The following FRMD3 variants were observed in gnomAD, a reference collection of about 807,000 sequenced individuals.
FRMD3 encodes the protein FERM domain containing 3.
A neutral mutation model predicts 70.2 loss-of-function variants in FRMD3; 33 were observed. That is an observed-to-expected ratio of 0.47 (90% CI 0.36 to 0.63). FRMD3 has a LOEUF of 0.63. Ranked by LOEUF, FRMD3 falls within the 20% of genes least tolerant of loss-of-function variation. FRMD3 has a pLI of 0.00. For missense variants in FRMD3, 632 were observed against 711.4 expected (o/e 0.89, Z 1.27); for synonymous variants, 279 against 255.9 (o/e 1.09, Z -0.86).
At chr9:83,486,154 T>C (rs944822915) in intron 1 of FRMD3, among the ~76,000 whole-genome samples, 2 of 152,186 alleles carry the variant, frequency 1.3e-5, no homozygotes, top group African/African-American at 4.8e-5. Flanking sequence ...TAATATCCTA[T>C]GAATATATTC....
intron 1 of FRMD3, among the ~76,000 whole-genome samples, chr9:83,473,863 T>C (rs1304514268): frequency 6.6e-6 from 1 of 152,174 alleles, no homozygotes; most frequent in Non-Finnish European, 1.5e-5. Flanking sequence ...GGAAAATAAA[T>C]AAATTGGGGC....
At chr9:83,400,555 G>A (rs965368163) in intron 1 of FRMD3, among the ~76,000 whole-genome samples, 3 of 152,136 alleles carry the variant, frequency 2.0e-5, no homozygotes, top group South Asian at 4.1e-4. Flanking sequence ...TTTGTGAAAA[G>A]GCAAAAGATT....
At chr9:83,463,692 C>T (rs1308781833) in intron 1 of FRMD3, among the ~76,000 whole-genome samples, 1 of 152,202 alleles carries the variant, frequency 6.6e-6, no homozygotes, top group East Asian at 1.9e-4. Context: ...CCAAGAAGAT[C>T]TATTCCAGCC....
intron 3 of FRMD3, among the ~76,000 whole-genome samples, chr9:83,358,885 G>T (rs1824493374): frequency 6.6e-6 from 1 of 152,032 alleles, no homozygotes; most frequent in Non-Finnish European, 1.5e-5. Context: ...TATGCAAAAT[G>T]ACGCTTGAGC....
chr9:83,389,471 C>T (rs1007797304), intron 2 of FRMD3, 133 bp downstream of exon 2: 16 of 658,814 alleles, frequency 2.4e-5, no homozygotes, highest in Non-Finnish European at 3.6e-5. Flanking sequence ...GCCTCTTCTG[C>T]TCACACAGGG....
At chr9:83,412,391 T>TA (rs151154752) in intron 1 of FRMD3, among the ~76,000 whole-genome samples, 22,290 of 152,264 alleles carry the variant, frequency 0.15, 1,687 homozygotes, top group Non-Finnish European at 0.16. Flanking sequence ...CTACTAGGTA[T>TA]ATGCCTAGAA....
intron 2 of FRMD3, among the ~76,000 whole-genome samples, chr9:83,383,949 A>G (rs1016382886): frequency 6.6e-6 from 1 of 152,234 alleles, no homozygotes; most frequent in Admixed American, 6.5e-5. Flanking sequence ...AAGACCAAGT[A>G]CTGCTTTCTG....
chr9:83,522,394 G>T (rs373476511), intron 1 of FRMD3, among the ~76,000 whole-genome samples: 1 of 151,994 alleles, frequency 6.6e-6, no homozygotes, highest in African/African-American at 2.4e-5. Flanking sequence ...TTCAGCGGCT[G>T]GGGGGGCAGG....
At chr9:83,412,719 G>A (rs1486845811) in intron 1 of FRMD3, among the ~76,000 whole-genome samples, 1 of 152,230 alleles carries the variant, frequency 6.6e-6, no homozygotes, top group African/African-American at 2.4e-5. Flanking sequence ...TCCTGGCCGG[G>A]CACGGTGGCT....
In FRMD3 at chr9:83,349,687, C is replaced by T. The variant is rs1382631930; in HGVS notation, c.366G>A (p.Glu122=). 6.2e-7 allele frequency: 1 copy of T among 1,608,706 alleles called. No individual in the cohort carries two copies. Among genetic ancestry groups the T allele is most frequent in the African/African-American group, 1.3e-5 (1 of 74,850 alleles). Residue 122 remains glutamate, a synonymous_variant, in exon 4 of 14, where the codon GAG becomes GAA. Coordinates refer to ENST00000304195, the MANE Select transcript of FRMD3 (RefSeq NM_174938.6). ...AAACAAACAAAAAATACCTTGTGAG[C>T]TCTTCTTTAATCTTCAAGGGTTCAT... ...YPHEPLKIKE[E]LTRYLLYLQI...
At chr9:83,424,793 A>G (rs907745889) in intron 1 of FRMD3, among the ~76,000 whole-genome samples, 3 of 152,206 alleles carry the variant, frequency 2.0e-5, no homozygotes, top group Admixed American at 6.5e-5. Context: ...AATGATCCCA[A>G]TTAATCATAT....
At chr9:83,570,664 T>C in the FRMD3 span, among the ~76,000 whole-genome samples, 1 of 152,192 alleles carries the variant, frequency 6.6e-6, no homozygotes. Context: ...GGAAAGGATT[T>C]GACTTTAACT....
At chr9:83,260,869 T>C (rs920110546) in intron 13 of FRMD3, among the ~76,000 whole-genome samples, 1 of 152,076 alleles carries the variant, frequency 6.6e-6, no homozygotes, top group Non-Finnish European at 1.5e-5. Flanking sequence ...GAGGATAAAG[T>C]TTAATACTTC....
chr9:83,520,894 G>C (rs867495814), intron 1 of FRMD3, among the ~76,000 whole-genome samples: 1 of 150,998 alleles, frequency 6.6e-6, no homozygotes, highest in Non-Finnish European at 1.5e-5. Context: ...GGAAGCTGAG[G>C]TGGGTGGACC....
At chr9:83,417,144 A>G (rs1229830565) in intron 1 of FRMD3, among the ~76,000 whole-genome samples, 3 of 152,350 alleles carry the variant, frequency 2.0e-5, no homozygotes, top group African/African-American at 7.2e-5. Flanking sequence ...AGTTGAAAAT[A>G]TCATTAGCTT....
chr9:83,340,072 G>A (rs533063180), intron 5 of FRMD3, among the ~76,000 whole-genome samples: 20 of 152,248 alleles, frequency 1.3e-4, no homozygotes, highest in African/African-American at 4.3e-4. Context: ...CAGGTGTGGT[G>A]GTGCACACCT....
rs183947375 is a variant in FRMD3 at position 83,313,110 on chromosome 9, T to A, written c.684+550A>T. On this transcript the variant is annotated intron_variant, in intron 7 of 13. Transcript: ENST00000304195. ...TAAGTATCACACCTTGGGAGCTTGA[T>A]TAAAAAGGCAGATTCCCCAGTTGTA... 8.1e-4 allele frequency among the ~76,000 whole-genome samples: 124 copies of A among 152,320 alleles called. 1 individual carries two copies. The highest frequency in any genetic ancestry group is 6.5e-3 in the Admixed American group (100 of 15,302).
At chr9:83,453,711 ATTTTT>A (rs59376142) in intron 1 of FRMD3, among the ~76,000 whole-genome samples, 1,736 of 115,152 alleles carry the variant, frequency 0.015, 27 homozygotes, top group African/African-American at 0.061. Flanking sequence ...GTTTGTTTTA[ATTTTT>A]TTTTTTTTTT....
intron 1 of FRMD3, among the ~76,000 whole-genome samples, chr9:83,513,760 A>G (rs1280352471): frequency 2.6e-5 from 4 of 152,298 alleles, no homozygotes; most frequent in Admixed American, 1.3e-4. Context: ...CAACTGAGGT[A>G]CCCAGTTCAT....
Sources: gnomAD v4.1 joint callset for allele counts (sites outside exome capture counted in the v4.1 genomes callset) on GRCh38, gnomAD v4.1.1 for gene constraint, MANE v1.5 for transcripts, NCBI Gene and HGNC (gene_info 2026-07-23, HGNC 2026-07-21) for gene names.